RP1: variants seen among roughly 807,000 people sequenced by gnomAD.
The protein encoded by RP1 is RP1 axonemal microtubule associated, also known as oxygen-regulated protein 1.
In RP1, 16 loss-of-function variants were observed where a neutral mutation model predicts 14.8. The observed-to-expected ratio is 1.08, with a 90% CI of 0.73 to 1.65. The LOEUF is 1.65. RP1 is among the 40% of genes most tolerant of loss of function. RP1 has a pLI of 0.00. For synonymous variants in RP1, 876 were observed against 883.6 expected (o/e 0.99, Z 0.15); for missense variants, 2,631 against 2,535.0 (o/e 1.04, Z -0.81).
At chr8:54,669,056 A>G (rs531772527) in intron 7 of RP1, among the ~76,000 whole-genome samples, 1 of 152,328 alleles carries the variant, frequency 6.6e-6, no homozygotes, top group South Asian at 2.1e-4. Context: ...GAGCTTCTGC[A>G]CAGCAGAAGG....
At chr8:54,806,104 C>T (rs761165257) in intron 24 of RP1, among the ~76,000 whole-genome samples, 35 of 152,090 alleles carry the variant, frequency 2.3e-4, no homozygotes, top group Non-Finnish European at 3.2e-4. Flanking sequence ...CTGCAACCTT[C>T]GCCTCCCGGA....
At chr8:54,698,929 C>A (rs1187631640) in intron 12 of RP1, among the ~76,000 whole-genome samples, 1 of 152,040 alleles carries the variant, frequency 6.6e-6, no homozygotes, top group Non-Finnish European at 1.5e-5. Context: ...AGGAGAAATA[C>A]CTAATGTAAA....
chr8:54,781,814 GT>G (rs1311602955), intron 23 of RP1, among the ~76,000 whole-genome samples: 2 of 152,098 alleles, frequency 1.3e-5, no homozygotes, highest in Non-Finnish European at 2.9e-5. Context: ...TGCAGATGAT[GT>G]TCATTAGTTA....
At chr8:54,619,256 T>C (rs764949561) in intron 1 of RP1, among the ~76,000 whole-genome samples, 1 of 152,174 alleles carries the variant, frequency 6.6e-6, no homozygotes, top group African/African-American at 2.4e-5. Flanking sequence ...CTAAGTTACA[T>C]TTAAATAAGA....
exon 12 of RP1, chr8:54,679,902 T>C: frequency 1.3e-6 from 2 of 1,536,040 alleles, no homozygotes; most frequent in Non-Finnish European, 1.7e-6. Context: ...ATGGCACAGT[T>C]GACGCCATTG....
At chr8:54,732,196 T>C (rs1229069471) in intron 17 of RP1, among the ~76,000 whole-genome samples, 1 of 152,226 alleles carries the variant, frequency 6.6e-6, no homozygotes, top group African/African-American at 2.4e-5. Flanking sequence ...ATGCTCTTCC[T>C]GTCTTTCTGC....
chr8:54,692,115 T>C (rs1807728685), intron 12 of RP1, among the ~76,000 whole-genome samples: 1 of 151,766 alleles, frequency 6.6e-6, no homozygotes, highest in Non-Finnish European at 1.5e-5. Context: ...TGATTTCCAA[T>C]TTCATCCATG....
intron 25 of RP1, among the ~76,000 whole-genome samples, chr8:54,841,552 A>G (rs1338435522): frequency 6.6e-6 from 1 of 152,220 alleles, no homozygotes. Flanking sequence ...TCTATAAGTC[A>G]TCATTCTTTG....
intron 12 of RP1, among the ~76,000 whole-genome samples, chr8:54,697,344 C>T (rs538976840): frequency 2.6e-5 from 4 of 152,126 alleles, no homozygotes; most frequent in Admixed American, 6.5e-5. Flanking sequence ...CTCCTGAGGT[C>T]GGGAGTTCGA....
intron 12 of RP1, among the ~76,000 whole-genome samples, chr8:54,693,928 C>T (rs1197583928): frequency 2.0e-5 from 3 of 152,134 alleles, no homozygotes; most frequent in Non-Finnish European, 4.4e-5. Flanking sequence ...CAGTTTTTGC[C>T]CATTCAGTAT....
chr8:54,696,608 T>A, intron 12 of RP1: 1 of 770,424 alleles, frequency 1.3e-6, no homozygotes. Flanking sequence ...ACGTCTCAGA[T>A]GACCAGAAGT....
intron 14 of RP1, among the ~76,000 whole-genome samples, chr8:54,702,681 T>G (rs1310276598): frequency 6.6e-6 from 1 of 152,186 alleles, no homozygotes; most frequent in Non-Finnish European, 1.5e-5. Flanking sequence ...ATTGACTCAT[T>G]CTTTCATGAA....
chr8:54,831,115 A>C (rs1301254938), intron 24 of RP1, among the ~76,000 whole-genome samples: 1 of 151,982 alleles, frequency 6.6e-6, no homozygotes, highest in East Asian at 1.9e-4. Flanking sequence ...ATTGTTGGAC[A>C]TTTGGTTTGT....
chr8:54,609,038 G>A (rs1805527335), intron 1 of RP1, among the ~76,000 whole-genome samples: 1 of 152,202 alleles, frequency 6.6e-6, no homozygotes, highest in Non-Finnish European at 1.5e-5. Flanking sequence ...AGGTTCAGGA[G>A]GGCTAGGTAC....
chr8:54,660,719 T>C (rs573463009), intron 6 of RP1, among the ~76,000 whole-genome samples: 51 of 152,166 alleles, frequency 3.4e-4, no homozygotes, highest in Non-Finnish European at 5.6e-4. Flanking sequence ...GGTGTCTCTG[T>C]GGGCAAATGC....
intron 14 of RP1, among the ~76,000 whole-genome samples, chr8:54,703,831 G>T (rs1808087170): frequency 6.6e-6 from 1 of 152,194 alleles, no homozygotes; most frequent in Admixed American, 6.6e-5. Context: ...ACCTTGCACT[G>T]TTATGTTACG....
intron 3 of RP1, among the ~76,000 whole-genome samples, chr8:54,642,663 A>G (rs1224071409): frequency 6.6e-6 from 1 of 152,120 alleles, no homozygotes; most frequent in East Asian, 1.9e-4. Flanking sequence ...AGATAAGGAG[A>G]CTTTTGAAGA....
chr8:54,616,123 T>C lies in RP1; in HGVS notation c.-92T>C, dbSNP rs1805709998. ...TTTCTTTGCACGAAATGAGGTTACA[T>C]ATCCAGTGACATTTATTTGAGCTAT... is the stretch of plus-strand genomic sequence containing the variant. On this transcript the variant is annotated 5_prime_UTR_variant, in exon 1 of 4. Coordinates refer to ENST00000220676, the MANE Select transcript of RP1 (RefSeq NM_006269.2). 6.6e-6 allele frequency: 1 copy of C among 152,258 alleles called. No individual in the cohort carries two copies. Among genetic ancestry groups the C allele is most frequent in the Admixed American group, 6.5e-5 (1 of 15,288 alleles). The allele number at this position is 152,258 out of a possible 1,614,324, so 9.4% of individuals were successfully genotyped here.
At chr8:54,828,882 C>CTTTTTTTTTTTTTTTTTTTTTT (rs201534661) in intron 24 of RP1, among the ~76,000 whole-genome samples, 1 of 83,900 alleles carries the variant, frequency 1.2e-5, no homozygotes, top group Non-Finnish European at 2.2e-5. Context: ...TCTTCTTCTT[C>CTTTTTTTTTTTTTTTTTTTTTT]TTTTTTTTTT....
Sources: gnomAD v4.1 joint callset for allele counts (sites outside exome capture counted in the v4.1 genomes callset) on GRCh38, gnomAD v4.1.1 for gene constraint, MANE v1.5 for transcripts, NCBI Gene and HGNC (gene_info 2026-07-23, HGNC 2026-07-21) for gene names.